LARGE1: variants seen among roughly 807,000 people sequenced by gnomAD.
LARGE1 encodes the protein LARGE xylosyl- and glucuronyltransferase 1.
A neutral mutation model predicts 87.6 loss-of-function variants in LARGE1; 43 were observed. The ratio of observed to expected loss-of-function variants is 0.49; its 90% CI spans 0.38 to 0.63. The LOEUF is 0.63. LARGE1 is among the 30% of genes least tolerant of loss of function. The pLI is 0.00. For missense variants in LARGE1, 802 were observed against 1,000.2 expected, an observed-to-expected ratio of 0.80 and a Z score of 2.67; for synonymous variants, 434 against 394.6, an observed-to-expected ratio of 1.10 and a Z score of -1.18.
intron 2 of LARGE1, among the ~76,000 whole-genome samples, chr22:33,722,308 AGAGGAGGGAGAGGG>A (rs2149444526): frequency 8.5e-6 from 1 of 118,248 alleles, no homozygotes; most frequent in East Asian, 2.7e-4. Context: ...AGGGAGAGGG[AGAGGAGGGAGAGGG>A]AGAGGAGGGA....
At chr22:33,503,013 G>A (rs1286902705) in intron 6 of LARGE1, among the ~76,000 whole-genome samples, 2 of 152,164 alleles carry the variant, frequency 1.3e-5, no homozygotes, top group African/African-American at 4.8e-5. Context: ...TCACTGAGGT[G>A]GTGAGTTCAG....
chr22:33,472,225 G>A (rs1018386486), intron 6 of LARGE1, among the ~76,000 whole-genome samples: 1 of 152,130 alleles, frequency 6.6e-6, no homozygotes, highest in Non-Finnish European at 1.5e-5. Flanking sequence ...GGTCTTTGGA[G>A]GCAAAGATGG....
At chr22:33,496,446 G>A (rs1345317679) in intron 6 of LARGE1, among the ~76,000 whole-genome samples, 1 of 152,094 alleles carries the variant, frequency 6.6e-6, no homozygotes, top group East Asian at 1.9e-4. Flanking sequence ...GGCACAGAGA[G>A]CTACCCTGCC....
chr22:33,704,130 T>G (rs1260857259), intron 2 of LARGE1, among the ~76,000 whole-genome samples: 2 of 152,258 alleles, frequency 1.3e-5, no homozygotes, highest in African/African-American at 4.8e-5. Flanking sequence ...TCCATTTTAT[T>G]GACTCATTTC....
chr22:33,133,326 C>T, the LARGE1 span, among the ~76,000 whole-genome samples: 1 of 152,148 alleles, frequency 6.6e-6, no homozygotes, highest in Non-Finnish European at 1.5e-5. Flanking sequence ...GTTATCCCTC[C>T]CCTAGTCCCC....
At chr22:33,914,338 C>T (rs2065723855) in intron 1 of LARGE1, among the ~76,000 whole-genome samples, 4 of 152,228 alleles carry the variant, frequency 2.6e-5, no homozygotes, top group African/African-American at 4.8e-5. Flanking sequence ...AAGGTAATCT[C>T]CCGTTCAGGC....
At chr22:33,780,935 G>A (rs1342007931) in intron 1 of LARGE1, among the ~76,000 whole-genome samples, 1 of 152,218 alleles carries the variant, frequency 6.6e-6, no homozygotes, top group Non-Finnish European at 1.5e-5. Flanking sequence ...GTTAATAAGT[G>A]CTAGGTCATT....
intron 7 of LARGE1, among the ~76,000 whole-genome samples, chr22:33,412,199 G>T (rs1330278115): frequency 6.6e-6 from 1 of 152,084 alleles, no homozygotes; most frequent in Non-Finnish European, 1.5e-5. Context: ...CAAGAGAATT[G>T]CTTGAACCCG....
In LARGE1 at chr22:33,574,017, G is replaced by A. The variant is rs115661175; in HGVS notation, c.616-8998C>T. ...AAAACTTGGCCTCAGAAGTAACATG[G>A]CATCATTCCTGCAACATCTTATTGG... On this transcript the variant is annotated intron_variant, in intron 5 of 14. Coordinates refer to ENST00000397394, the MANE Select transcript of LARGE1 (RefSeq NM_133642.5). 9.1e-3 allele frequency among the ~76,000 whole-genome samples: 1,391 copies of A among 152,242 alleles called. 22 individuals are homozygous for A. Among genetic ancestry groups the A allele is most frequent in the African/African-American group, 0.032 (1,318 of 41,540 alleles).
chr22:33,491,880 G>A (rs1173165652), intron 6 of LARGE1, among the ~76,000 whole-genome samples: 1 of 152,174 alleles, frequency 6.6e-6, no homozygotes, highest in Non-Finnish European at 1.5e-5. Flanking sequence ...CAAGGTCGAG[G>A]GGAAAGAAAA....
chr22:33,110,477 G>A, the LARGE1 span: 2 of 152,220 alleles, frequency 1.3e-5, no homozygotes, highest in Non-Finnish European at 2.9e-5. Context: ...TGCTGTGTGT[G>A]GATATGAGTT....
At chr22:33,803,047 G>A (rs976359165) in intron 1 of LARGE1, among the ~76,000 whole-genome samples, 7 of 152,144 alleles carry the variant, frequency 4.6e-5, no homozygotes, top group Non-Finnish European at 1.0e-4. Context: ...AAAAGATGAC[G>A]ACGGATACCA....
intron 1 of LARGE1, among the ~76,000 whole-genome samples, chr22:33,791,096 T>C (rs539063928): frequency 1.3e-5 from 2 of 152,318 alleles, no homozygotes; most frequent in South Asian, 4.1e-4. Context: ...AAGAAAAGCC[T>C]TCTAAATGAA....
intron 7 of LARGE1, among the ~76,000 whole-genome samples, chr22:33,392,148 CTTCT>C (rs1366311964): frequency 2.6e-4 from 33 of 125,778 alleles, no homozygotes; most frequent in African/African-American, 1.5e-3. Context: ...ACACACGCTT[CTTCT>C]TTTTTTTTTT....
intron 11 of LARGE1, 50 bp downstream of exon 11, chr22:33,316,035 T>C (rs771286866): frequency 3.8e-6 from 6 of 1,596,142 alleles, no homozygotes; most frequent in East Asian, 4.5e-5. Context: ...CTATCCTCCA[T>C]GTAACAGCCG....
chr22:33,574,686 TTGTG>T (rs3986017), intron 5 of LARGE1, among the ~76,000 whole-genome samples: 6,324 of 143,854 alleles, frequency 0.044, 193 homozygotes, highest in East Asian at 0.13. Flanking sequence ...ATATAAACAA[TTGTG>T]TGTGTGTGTG....
chr22:33,253,645 G>A (rs1407893895), intron 11 of LARGE1, among the ~76,000 whole-genome samples: 1 of 152,230 alleles, frequency 6.6e-6, no homozygotes, highest in Non-Finnish European at 1.5e-5. Context: ...CCGGAAGGTG[G>A]AGGTTGCAGT....
intron 1 of LARGE1, among the ~76,000 whole-genome samples, chr22:33,788,806 G>A (rs558526118): frequency 1.9e-4 from 29 of 152,304 alleles, no homozygotes; most frequent in African/African-American, 5.1e-4. Context: ...ACAGCAAAGC[G>A]TTCAAGAGGT....
chr22:33,130,466 G>A, the LARGE1 span, among the ~76,000 whole-genome samples: 1 of 151,920 alleles, frequency 6.6e-6, no homozygotes, highest in African/African-American at 2.4e-5. Context: ...CTCCAGCCTG[G>A]GTGACAGAGC....
Sources: gnomAD v4.1 joint callset for allele counts (sites outside exome capture counted in the v4.1 genomes callset) on GRCh38, gnomAD v4.1.1 for gene constraint, MANE v1.5 for transcripts, NCBI Gene and HGNC (gene_info 2026-07-23, HGNC 2026-07-21) for gene names.